FSTL5: variants seen among roughly 807,000 people sequenced by gnomAD.
FSTL5 encodes follistatin like 5.
Under a neutral mutation model 89.1 loss-of-function variants are expected in FSTL5, and 62 were observed. The ratio of observed to expected loss-of-function variants is 0.70; its 90% confidence interval spans 0.57 to 0.86. FSTL5 has a LOEUF of 0.86. Ranked by LOEUF, FSTL5 falls within the 40% of genes least tolerant of loss-of-function variation. The pLI is 0.00. For synonymous variants in FSTL5, 383 were observed against 346.2 expected (o/e 1.11, Z -1.18); for missense variants, 1,057 against 1,001.6 (o/e 1.06, Z -0.75).
chr4:162,006,687 A>G (rs760075729), intron 3 of FSTL5, among the ~76,000 whole-genome samples: 1 of 151,832 alleles, frequency 6.6e-6, no homozygotes, highest in African/African-American at 2.4e-5. Flanking sequence ...AACCAACACA[A>G]TTTCTTTTAT....
chr4:161,899,525 G>C (rs1028044419), intron 4 of FSTL5, among the ~76,000 whole-genome samples: 25 of 152,286 alleles, frequency 1.6e-4, no homozygotes, highest in African/African-American at 4.3e-4. Flanking sequence ...GCCAATCTTA[G>C]TGAACTGCCA....
intron 5 of FSTL5, among the ~76,000 whole-genome samples, chr4:161,764,500 C>A (rs981217947): frequency 6.6e-6 from 1 of 152,142 alleles, no homozygotes; most frequent in African/African-American, 2.4e-5. Flanking sequence ...TTCAGGTTGT[C>A]CACCTGCCTC....
intron 6 of FSTL5, among the ~76,000 whole-genome samples, chr4:161,665,646 G>T (rs1736868004): frequency 6.6e-6 from 1 of 152,138 alleles, no homozygotes; most frequent in African/African-American, 2.4e-5. Context: ...AAAGCAGTAA[G>T]ATGATATATT....
intron 7 of FSTL5, among the ~76,000 whole-genome samples, chr4:161,606,436 TG>T (rs1448790211): frequency 6.6e-6 from 1 of 151,744 alleles, no homozygotes; most frequent in Non-Finnish European, 1.5e-5. Context: ...TGCACCATGT[TG>T]GCCAGGATGG....
intron 6 of FSTL5, among the ~76,000 whole-genome samples, chr4:161,708,625 A>G (rs1738668957): frequency 6.6e-6 from 1 of 152,092 alleles, no homozygotes; most frequent in South Asian, 2.1e-4. Flanking sequence ...AAAATTTTCC[A>G]AATTAAAAAA....
chr4:161,718,425 A>G (rs1642642759), intron 6 of FSTL5, among the ~76,000 whole-genome samples: 1 of 151,810 alleles, frequency 6.6e-6, no homozygotes, highest in African/African-American at 2.4e-5. Flanking sequence ...GATGGAGAAT[A>G]TGATAATACA....
At chr4:161,618,874 A>G (rs75460558) in intron 7 of FSTL5, among the ~76,000 whole-genome samples, 25,186 of 151,468 alleles carry the variant, frequency 0.17, 2,094 homozygotes, top group Non-Finnish European at 0.21. Flanking sequence ...AAGAGCCTGC[A>G]TCGCCAAGTC....
intron 8 of FSTL5, among the ~76,000 whole-genome samples, chr4:161,552,209 T>G (rs2126558825): frequency 6.6e-6 from 1 of 151,984 alleles, no homozygotes; most frequent in Admixed American, 6.6e-5. Context: ...CTCTAATCTC[T>G]TAACAACTAC....
chr4:161,753,203 C>T (rs1047702434), intron 6 of FSTL5, among the ~76,000 whole-genome samples: 3 of 152,224 alleles, frequency 2.0e-5, no homozygotes, highest in Admixed American at 1.3e-4. Context: ...CTACTTGAAC[C>T]ACAATATTCT....
At position 161,386,072 on chromosome 4, in the gene FSTL5, G is replaced by A; in HGVS notation, c.2219C>T (p.Ser740Phe). 1 of 1,613,996 alleles carries A rather than the reference G, an allele frequency of 6.2e-7. No homozygotes were observed. Among genetic ancestry groups the A allele is most frequent in the Non-Finnish European group, 8.5e-7 (1 of 1,179,970 alleles). ...AAAGGATGGTTGAAATGCCAGATCAGATATGTGCAGATTTGTGTAAATATC... is the reference window on the plus strand; with the variant it reads ...AAAGGATGGTTGAAATGCCAGATCAAATATGTGCAGATTTGTGTAAATATC... ...AFDIYTNLHISDLAFQPSFTE... is the reference protein window; with the variant it reads ...AFDIYTNLHIFDLAFQPSFTE... Residue 740 changes from serine (S) to phenylalanine (F), a missense_variant, in exon 16 of 16, where the codon TCT becomes TTT. Transcript: ENST00000306100.
chr4:161,470,748 A>G (rs558646893), intron 13 of FSTL5, among the ~76,000 whole-genome samples: 96 of 152,198 alleles, frequency 6.3e-4, no homozygotes, highest in African/African-American at 2.2e-3. Context: ...TCCCATTTAT[A>G]TATCTCCTTT....
intron 8 of FSTL5, among the ~76,000 whole-genome samples, chr4:161,563,835 T>C (rs936524604): frequency 1.3e-5 from 2 of 152,024 alleles, no homozygotes; most frequent in Non-Finnish European, 2.9e-5. Flanking sequence ...ATAATCTAAA[T>C]TGGTTAGAAG....
chr4:162,072,888 AC>A (rs1310743889), intron 2 of FSTL5, among the ~76,000 whole-genome samples: 5 of 151,774 alleles, frequency 3.3e-5, no homozygotes, highest in African/African-American at 1.2e-4. Flanking sequence ...CCTCAGTAGA[AC>A]AAAAAAGGCT....
intron 2 of FSTL5, among the ~76,000 whole-genome samples, chr4:162,079,337 G>A (rs1729995014): frequency 6.6e-6 from 1 of 151,544 alleles, no homozygotes. Context: ...ATGGAAACAT[G>A]ACTTCTGGAG....
chr4:162,042,318 C>A (rs184628501), intron 2 of FSTL5, among the ~76,000 whole-genome samples: 73 of 152,154 alleles, frequency 4.8e-4, no homozygotes, highest in African/African-American at 1.3e-3. Flanking sequence ...TCACCAAGAT[C>A]ATGTATGTTC....
intron 3 of FSTL5, among the ~76,000 whole-genome samples, chr4:162,012,832 G>A (rs1304339957): frequency 1.3e-5 from 2 of 151,982 alleles, no homozygotes; most frequent in Non-Finnish European, 2.9e-5. Context: ...TCCTGTATAT[G>A]ACATTATATT....
At position 161,587,586 on chromosome 4, in the gene FSTL5, T is replaced by C. The variant is rs765902651; in HGVS notation, c.895-11A>G. ...ATCATCTCCAAAGTCCTATTAAAAATAAAATAAAACAAGGTGTTTGCATTT... is the reference window on the plus strand; with the variant it reads ...ATCATCTCCAAAGTCCTATTAAAAACAAAATAAAACAAGGTGTTTGCATTT... On this transcript the variant is annotated splice_polypyrimidine_tract_variant and intron_variant, in intron 7 of 15. Transcript: ENST00000306100. 1 of 1,583,872 alleles carries C rather than the reference T, an allele frequency of 6.3e-7. No individual in the cohort carries two copies. The highest frequency in any genetic ancestry group is 2.3e-5 in the East Asian group (1 of 44,316).
At chr4:161,658,102 G>T (rs184362433) in intron 6 of FSTL5, among the ~76,000 whole-genome samples, 1 of 152,254 alleles carries the variant, frequency 6.6e-6, no homozygotes, top group Non-Finnish European at 1.5e-5. Context: ...CCATTTCTTT[G>T]TGTGAAGAGT....
intron 10 of FSTL5, among the ~76,000 whole-genome samples, chr4:161,529,083 G>T (rs2126527600): frequency 1.4e-5 from 2 of 143,092 alleles, no homozygotes; most frequent in Middle Eastern, 3.8e-3. Context: ...ATCAAAATAA[G>T]AAAGCATTAT....
Sources: allele counts gnomAD v4.1 joint callset (sites outside exome capture counted in the v4.1 genomes callset), GRCh38; gene constraint gnomAD v4.1.1; transcripts MANE v1.5; gene names NCBI Gene and HGNC (gene_info 2026-07-23, HGNC 2026-07-21).